Variants in GTPBP6 observed in about 807,000 individuals in gnomAD.
The protein encoded by GTPBP6 is GTP binding protein 6, also known as putative GTP-binding protein 6.
Under a neutral mutation model 28.9 loss-of-function variants are expected in GTPBP6, and 33 were observed. That is an observed-to-expected ratio of 1.14 (90% confidence interval 0.87 to 1.53). The LOEUF (loss-of-function observed/expected upper bound fraction) is 1.53. Among genes scored for constraint, GTPBP6 ranks in the 40% most tolerant of loss-of-function variants. The probability of loss-of-function intolerance (pLI) is 0.00; values close to 1 mark genes in which losing one functional copy is unlikely to be tolerated. For missense variants in GTPBP6, 507 were observed against 408.3 expected (o/e 1.24, Z -2.08); for synonymous variants, 231 against 192.7 (o/e 1.20, Z -1.65).
At chrX:315,570 ACACACACAC>A (rs2070416162) in intron 2 of GTPBP6, among the ~76,000 whole-genome samples, 8 of 150,900 alleles carry the variant, frequency 5.3e-5, no homozygotes, top group African/African-American at 2.0e-4. Context: ...ACACACACAC[ACACACACAC>A]ACACACAGTA....
chrX:318,788 G>T, exon 1 of GTPBP6: 1 of 306,028 alleles, frequency 3.3e-6, no homozygotes, highest in Non-Finnish European at 6.0e-6. Context: ...GGGCCCACAT[G>T]GCGCGTCTGG....
exon 1 of GTPBP6, chrX:318,734 G>T: frequency 2.9e-6 from 1 of 339,752 alleles, no homozygotes; most frequent in Non-Finnish European, 5.3e-6. Context: ...AGCGGCCGCG[G>T]CCCACGCGGG....
exon 9 of GTPBP6, chrX:307,477 G>A (rs1400144821): frequency 3.1e-6 from 5 of 1,610,962 alleles, no homozygotes; most frequent in Non-Finnish European, 4.2e-6. Context: ...CCGCAGGGCA[G>A]ACACGGGCAC....
intron 7 of GTPBP6, among the ~76,000 whole-genome samples, chrX:308,613 G>A (rs1264204753): frequency 2.0e-5 from 3 of 151,916 alleles, no homozygotes; most frequent in Non-Finnish European, 4.4e-5. Context: ...CCAGGAGGTC[G>A]AGGCTGCAGT....
intron 7 of GTPBP6, among the ~76,000 whole-genome samples, 190 bp downstream of exon 7, chrX:311,229 T>C (rs779855121): frequency 0.04 from 3,091 of 76,322 alleles, 281 homozygotes; most frequent in African/African-American, 0.15. Context: ...TGTGTGTGTC[T>C]GAGTGCCTGG....
Position 307,502 on chromosome X carries a change from T to TG in GTPBP6, c.1284dup (p.Thr429HisfsTer22), listed in dbSNP as rs1251400759. 1.2e-6 allele frequency: 2 copies of TG among 1,611,150 alleles called. No homozygotes were observed. Among genetic ancestry groups the TG allele is most frequent in the South Asian group, 2.2e-5 (2 of 90,974 alleles). On this transcript the variant is annotated frameshift_variant, in exon 9 of 10. Transcript: ENST00000326153. LOFTEE classifies it high-confidence loss of function. ...GACACGGGCACGACGTTCGGTTCCG[T>TG]GGGGCTGTACCTGCAAGGGTGGGGA...
At chrX:307,825 C>A (rs1156831403) in exon 8 of GTPBP6, 3 of 1,552,170 alleles carry the variant, frequency 1.9e-6, no homozygotes, top group Non-Finnish European at 2.6e-6. Flanking sequence ...CAGAACGCTG[C>A]ATTTCTGGAG....
At chrX:318,107 T>G (rs1256243887) in intron 1 of GTPBP6, among the ~76,000 whole-genome samples, 3 of 137,778 alleles carry the variant, frequency 2.2e-5, no homozygotes, top group African/African-American at 5.6e-5. Context: ...AGCCCCGCCC[T>G]GGGTCTCCAC....
intron 6 of GTPBP6, chrX:312,005 A>G: frequency 2.0e-6 from 1 of 503,914 alleles, no homozygotes; most frequent in South Asian, 1.9e-5. Flanking sequence ...AGGGGAGGTG[A>G]TGGTGTAGAT....
At position 317,777 on chromosome X, in the gene GTPBP6, G is replaced by C. The variant is rs1467847470; in HGVS notation, c.349+662C>G. Among the ~76,000 whole-genome samples, 487 of 132,192 alleles carry C rather than the reference G, an allele frequency of 3.7e-3. 2 individuals are homozygous for C. Among genetic ancestry groups the C allele is most frequent in the Non-Finnish European group, 5.4e-3 (340 of 62,854 alleles). The allele number at this position is 132,192 out of a possible 152,430, so 86.7% of individuals were successfully genotyped here. A position where few individuals can be genotyped will look rare whatever the true frequency, so the allele number is the denominator to read the frequency against. ...CCATCCCACGGACTCCACCCCATAA[G>C]CTCCGCCCCCGCACTTTTACCCCAT... is the stretch of plus-strand genomic sequence containing the variant. On this transcript the variant is annotated intron_variant, in intron 1 of 9. Coordinates refer to ENST00000326153, the Ensembl canonical transcript of GTPBP6.
At position 305,953 on chromosome X, in the gene GTPBP6, G is replaced by C. The variant is rs778537167; in HGVS notation, c.1428-756C>G. ...AACTTTTTATTCTTTGTAGAGATGG[G>C]GTCTCACCATGTTGCCCAGCCTGGC... On this transcript the variant is annotated intron_variant, in intron 9 of 9. Transcript: ENST00000326153. Among the ~76,000 whole-genome samples, 265 of 151,844 alleles carry C rather than the reference G, an allele frequency of 1.7e-3. 1 individual carries two copies. Among genetic ancestry groups the C allele is most frequent in the Non-Finnish European group, 2.5e-3 (168 of 67,930 alleles).
At chrX:306,896 C>G (rs112966223) in intron 9 of GTPBP6, among the ~76,000 whole-genome samples, 18 of 66,530 alleles carry the variant, frequency 2.7e-4, no homozygotes, top group African/African-American at 9.7e-4. Context: ...TACATTTTGA[C>G]TGTCAGCACA....
chrX:312,373 G>A (rs760659671), intron 6 of GTPBP6: 1 of 476,192 alleles, frequency 2.1e-6, no homozygotes, highest in Admixed American at 2.3e-5. Flanking sequence ...CAGAGGAGAG[G>A]TGATGGTGTA....
chrX:314,463 C>T (rs976581441), intron 4 of GTPBP6, among the ~76,000 whole-genome samples: 11 of 151,462 alleles, frequency 7.3e-5, no homozygotes, highest in East Asian at 1.9e-4. Flanking sequence ...AGAGCCCACA[C>T]GGTGCTTTTC....
rs1431402603 is a variant in GTPBP6 at position 314,127 on chromosome X, A to C, written c.757+23T>G. The C allele has an allele frequency of 2.5e-6, 4 of 1,595,406 alleles. No homozygotes were observed. The African/African-American group carries it at 4.2e-5, about 17-fold the overall frequency. ...AACCGCATTCCGAGGACCCTCTGGGACGCCGCGCCCGGCCCGAGTTACCTG... is the reference window on the plus strand; with the variant it reads ...AACCGCATTCCGAGGACCCTCTGGGCCGCCGCGCCCGGCCCGAGTTACCTG... On this transcript the variant is annotated intron_variant, in intron 5 of 9. Transcript: ENST00000326153.
At chrX:313,460 C>T (rs2070356253) in intron 5 of GTPBP6, among the ~76,000 whole-genome samples, 1 of 144,892 alleles carries the variant, frequency 6.9e-6, no homozygotes, top group African/African-American at 2.6e-5. Context: ...AAGGACCCTG[C>T]CCTAGAGCCT....
intron 2 of GTPBP6, among the ~76,000 whole-genome samples, chrX:316,473 G>A (rs1434123627): frequency 1.3e-5 from 2 of 152,150 alleles, no homozygotes; most frequent in Non-Finnish European, 2.9e-5. Flanking sequence ...GGGCAAGTGA[G>A]TAGCGTCTTC....
At chrX:307,211 C>T (rs2070189055) in intron 9 of GTPBP6, 149 bp downstream of exon 9, 1 of 692,914 alleles carries the variant, frequency 1.4e-6, no homozygotes, top group Non-Finnish European at 2.4e-6. Context: ...CACAAATGTA[C>T]ATTTGATGCA....
chrX:318,767 G>C, exon 1 of GTPBP6: 1 of 308,948 alleles, frequency 3.2e-6, no homozygotes. Flanking sequence ...CCGGGCGTAC[G>C]GCGGCCCGCA....
Sources: gnomAD v4.1 joint callset for allele counts (sites outside exome capture counted in the v4.1 genomes callset) on GRCh38, gnomAD v4.1.1 for gene constraint, MANE v1.5 for transcripts, NCBI Gene and HGNC (gene_info 2026-07-23, HGNC 2026-07-21) for gene names.